The following STPG2 variants were observed in gnomAD, a reference collection of about 807,000 sequenced individuals.
STPG2 encodes sperm-tail PG-rich repeat-containing protein 2.
Under a neutral mutation model 54.2 loss-of-function variants are expected in STPG2, and 56 were observed. The observed-to-expected ratio is 1.03, with a 90% confidence interval of 0.83 to 1.29. The LOEUF is 1.29. STPG2 is among the 50% of genes most tolerant of loss of function. STPG2 has a pLI of 0.00. For missense variants in STPG2, 596 were observed against 544.9 expected (o/e 1.09, Z -0.93); for synonymous variants, 200 against 181.8 (o/e 1.10, Z -0.81).
chr4:97,523,376 A>C (rs1472582469), intron 4 of STPG2, among the ~76,000 whole-genome samples: 1 of 151,954 alleles, frequency 6.6e-6, no homozygotes, highest in Non-Finnish European at 1.5e-5. Flanking sequence ...ATTAAGTATA[A>C]TTATTATATA....
intron 8 of STPG2, among the ~76,000 whole-genome samples, chr4:97,886,420 G>A (rs1730572314): frequency 6.6e-6 from 1 of 152,102 alleles, no homozygotes; most frequent in Admixed American, 6.5e-5. Context: ...TTATTTTAAA[G>A]TAAAAAGGCA....
intron 10 of STPG2, among the ~76,000 whole-genome samples, chr4:97,576,805 T>C (rs987735408): frequency 1.3e-5 from 2 of 151,824 alleles, no homozygotes; most frequent in Non-Finnish European, 2.9e-5. Flanking sequence ...ACATAGAAAA[T>C]ATACAACCTA....
chr4:97,694,601 G>T (rs1392737808), intron 10 of STPG2, among the ~76,000 whole-genome samples: 1 of 151,632 alleles, frequency 6.6e-6, no homozygotes, highest in East Asian at 1.9e-4. Flanking sequence ...GAGGTCAGGA[G>T]ATCGATATCA....
At chr4:97,505,591 A>G (rs1200444681) in intron 4 of STPG2, among the ~76,000 whole-genome samples, 1 of 152,006 alleles carries the variant, frequency 6.6e-6, no homozygotes, top group East Asian at 1.9e-4. Flanking sequence ...CTATGCATTG[A>G]AATTGTGCAC....
At chr4:98,100,012 A>AAT (rs1738980168) in intron 5 of STPG2, among the ~76,000 whole-genome samples, 1 of 152,146 alleles carries the variant, frequency 6.6e-6, no homozygotes, top group African/African-American at 2.4e-5. Context: ...TGTACCTATA[A>AAT]ATATATATAC....
At chr4:97,799,127 C>A (rs1727294752) in intron 9 of STPG2, among the ~76,000 whole-genome samples, 1 of 135,296 alleles carries the variant, frequency 7.4e-6, no homozygotes, top group Admixed American at 7.9e-5. Context: ...TGGGTCTTGA[C>A]TCTTTATCCA....
At chr4:97,682,433 G>A (rs1044173806) in intron 10 of STPG2, among the ~76,000 whole-genome samples, 1 of 151,664 alleles carries the variant, frequency 6.6e-6, no homozygotes, top group African/African-American at 2.4e-5. Flanking sequence ...CTAGCTTCCT[G>A]TAACCATCTG....
At chr4:98,078,048 G>A (rs1298862451) in intron 5 of STPG2, among the ~76,000 whole-genome samples, 3 of 151,854 alleles carry the variant, frequency 2.0e-5, no homozygotes, top group Non-Finnish European at 4.4e-5. Flanking sequence ...TTAAAAAAAT[G>A]TTTGTTTCTC....
intron 4 of STPG2, among the ~76,000 whole-genome samples, chr4:97,512,187 C>T (rs973615098): frequency 6.6e-6 from 1 of 151,658 alleles, no homozygotes; most frequent in Non-Finnish European, 1.5e-5. Context: ...ATATAACAGG[C>T]CATTATAAAA....
chr4:97,642,358 T>G (rs1721789198), intron 10 of STPG2, among the ~76,000 whole-genome samples: 1 of 151,326 alleles, frequency 6.6e-6, no homozygotes, highest in Non-Finnish European at 1.5e-5. Context: ...GTATCACATA[T>G]TCTGTGATAA....
intron 10 of STPG2, among the ~76,000 whole-genome samples, chr4:97,597,632 C>A (rs190558476): frequency 5.9e-5 from 9 of 152,022 alleles, no homozygotes; most frequent in Admixed American, 5.2e-4. Flanking sequence ...AAATAAAAAA[C>A]CACATGATCA....
chr4:97,873,247 C>T (rs953900624), intron 8 of STPG2, among the ~76,000 whole-genome samples: 16 of 150,546 alleles, frequency 1.1e-4, no homozygotes, highest in African/African-American at 3.9e-4. Flanking sequence ...CTCCTTTCCA[C>T]ATTTATAACT....
Position 98,128,443 on chromosome 4 carries a change from G to A in STPG2, c.372C>T (p.Tyr124=). ...PACDSTLGPA[Y]YKPQFDVSNA... ...TTATACTTACAAATTGAGGTTTGTAGTATGCTGGACCAAGTGTACTGTCAC... is the reference window on the plus strand; with the variant it reads ...TTATACTTACAAATTGAGGTTTGTAATATGCTGGACCAAGTGTACTGTCAC... The change falls in exon 3 of 11, where the codon TAC becomes TAT. Residue 124 remains tyrosine, a synonymous_variant. Coordinates refer to ENST00000295268, the MANE Select transcript of STPG2 (RefSeq NM_174952.3). 1 of 1,604,048 alleles carries A rather than the reference G, an allele frequency of 6.2e-7. No homozygotes were observed. The highest frequency in any genetic ancestry group is 8.5e-7 in the Non-Finnish European group (1 of 1,177,082).
chr4:97,773,594 G>A (rs1315110471), intron 9 of STPG2, among the ~76,000 whole-genome samples: 3 of 152,076 alleles, frequency 2.0e-5, no homozygotes, highest in African/African-American at 7.2e-5. Context: ...TTACAGGCAT[G>A]AGCCACCACA....
At chr4:97,953,801 G>A (rs1272394075) in intron 7 of STPG2, among the ~76,000 whole-genome samples, 1 of 152,176 alleles carries the variant, frequency 6.6e-6, no homozygotes, top group Non-Finnish European at 1.5e-5. Flanking sequence ...CACAGTGTGG[G>A]CTGCCAGCCT....
At chr4:97,703,677 ATAGTATATATATT>A (rs1480121311) in intron 10 of STPG2, among the ~76,000 whole-genome samples, 1 of 115,844 alleles carries the variant, frequency 8.6e-6, no homozygotes, top group South Asian at 2.3e-4. Context: ...TAAAATATAT[ATAGTATATATATT>A]TAGTATATAT....
intron 8 of STPG2, among the ~76,000 whole-genome samples, chr4:97,918,366 T>C (rs1731966202): frequency 6.6e-6 from 1 of 152,096 alleles, no homozygotes; most frequent in African/African-American, 2.4e-5. Flanking sequence ...CAGGAAATTG[T>C]GTATACTGTT....
intron 4 of STPG2, among the ~76,000 whole-genome samples, chr4:97,442,960 T>C (rs967055636): frequency 2.0e-5 from 3 of 152,126 alleles, no homozygotes; most frequent in African/African-American, 4.8e-5. Context: ...TAGGATTTCA[T>C]AAATTGAGAG....
At chr4:97,801,132 G>A (rs1273610104) in intron 9 of STPG2, among the ~76,000 whole-genome samples, 1 of 152,130 alleles carries the variant, frequency 6.6e-6, no homozygotes, top group Non-Finnish European at 1.5e-5. Flanking sequence ...GTGCTTCCCG[G>A]GTGAGGCAAT....
Sources: allele counts gnomAD v4.1 joint callset (sites outside exome capture counted in the v4.1 genomes callset), GRCh38; gene constraint gnomAD v4.1.1; transcripts MANE v1.5; gene names NCBI Gene and HGNC (gene_info 2026-07-23, HGNC 2026-07-21).